Variants in GRB2 observed in about 807,000 individuals in gnomAD.
The protein encoded by GRB2 is growth factor receptor bound protein 2.
Under a neutral mutation model 27.4 loss-of-function variants are expected in GRB2, and 2 were observed. The observed-to-expected ratio is 0.07, with a 90% CI of 0.03 to 0.23. The LOEUF is 0.23. GRB2 is among the 10% of genes least tolerant of loss of function. The probability of loss-of-function intolerance (pLI) is 1.00; values close to 1 mark genes in which losing one functional copy is unlikely to be tolerated. For synonymous variants in GRB2, 94 were observed against 99.6 expected (o/e 0.94, Z 0.33); for missense variants, 102 against 282.4 (o/e 0.36, Z 4.58).
At position 75,320,961 on chromosome 17, in the gene GRB2, G is replaced by A. The variant is rs1422642805; in HGVS notation, c.469-408C>T. Among the ~76,000 whole-genome samples, 1 of 152,000 alleles carries A rather than the reference G, an allele frequency of 6.6e-6. No individual in the cohort carries two copies. The highest frequency in any genetic ancestry group is 1.5e-5 in the Non-Finnish European group (1 of 68,030). On this transcript the variant is annotated intron_variant, in intron 5 of 5. Transcript: ENST00000316804. The surrounding 1 kb of genome is among the most constrained non-coding windows in gnomAD (Gnocchi z 4.3). ...AGTTCTGGAGCTCGAATAACATAAG[G>A]GGCTCTAACCGTAACTTACGACCAG...
intron 5 of GRB2, among the ~76,000 whole-genome samples, chr17:75,321,169 CTTTTTTTTTTTTT>C (rs61287852): frequency 4.2e-5 from 5 of 120,060 alleles, no homozygotes; most frequent in African/African-American, 7.5e-5. Context: ...AACAACAAAT[CTTTTTTTTTTTTT>C]TTTTTTTTTT....
In GRB2 at chr17:75,319,166, CAGG is replaced by C. The variant is rs1167889352; in HGVS notation, c.*1199_*1201del. 7.5e-6 allele frequency: 1 copy of C among 133,416 alleles called. No homozygotes were observed. The highest frequency in any genetic ancestry group is 2.3e-4 in the East Asian group (1 of 4,376). The allele number at this position is 133,416 out of a possible 1,614,324, so 8.3% of individuals were successfully genotyped here. A position where few individuals can be genotyped will look rare whatever the true frequency, so the allele number is the denominator to read the frequency against. ...TTAAAGCCTCCTGGCTTAGTACAAG[CAGG>C]AGAACGCCTCACCTTCCACTCCTGC... On this transcript the variant is annotated 3_prime_UTR_variant, in exon 6 of 6. Coordinates refer to ENST00000316804, the MANE Select transcript of GRB2 (RefSeq NM_002086.5).
chr17:75,394,505 T>C (rs1567877023), intron 1 of GRB2, among the ~76,000 whole-genome samples: 1 of 152,198 alleles, frequency 6.6e-6, no homozygotes, highest in East Asian at 1.9e-4. Context: ...TGCATAAGGC[T>C]CCCTTTCCCC....
chr17:75,352,874 G>T (rs9896050), intron 2 of GRB2, among the ~76,000 whole-genome samples: 95,779 of 147,446 alleles, frequency 0.65, 36,746 homozygotes, highest in East Asian at 0.9. Flanking sequence ...AAGTTAACTT[G>T]TTTTTTTTTT....
chr17:75,369,015 T>C (rs376707703), intron 2 of GRB2, among the ~76,000 whole-genome samples: 194 of 152,296 alleles, frequency 1.3e-3, no homozygotes, highest in Admixed American at 1.9e-3. Context: ...AGTGAGGAAA[T>C]TGTGACACAA....
rs756413472 is a variant in GRB2, at chr17:75,321,817, C to G, written c.310G>C (p.Asp104His). ...DFSLSVKFGN[D>H]VQHFKVLRDG... ...CGGAGCACCTTGAAGTGCTGCACATCGTTTCCAAACCTGGGAGGGACAGAA... is the reference window on the plus strand; with the variant it reads ...CGGAGCACCTTGAAGTGCTGCACATGGTTTCCAAACCTGGGAGGGACAGAA... The change falls in exon 5 of 6, where the codon GAT becomes CAT. Residue 104 changes from aspartate (D) to histidine (H), a missense_variant. This residue lies in a region of GRB2 where 57 missense variants were observed against 152.9 expected (regional missense o/e 0.37). Transcript: ENST00000316804. The G allele has an allele frequency of 6.2e-7, 1 of 1,613,724 alleles. No individual in the cohort carries two copies. The highest frequency in any genetic ancestry group is 8.5e-7 in the Non-Finnish European group (1 of 1,180,014).
At chr17:75,323,933 C>T (rs897903630) in intron 4 of GRB2, among the ~76,000 whole-genome samples, 3 of 151,940 alleles carry the variant, frequency 2.0e-5, no homozygotes, top group Admixed American at 6.6e-5. Flanking sequence ...CTTCAGCCTC[C>T]GGAGTAGCTG....
chr17:75,330,379 T>TCAAA lies in GRB2; in HGVS notation c.176+2317_176+2320dup, dbSNP rs370595543. Among the ~76,000 whole-genome samples, 341 of 149,966 alleles carry TCAAA rather than the reference T, an allele frequency of 2.3e-3. 1 individual carries two copies. Among genetic ancestry groups the TCAAA allele is most frequent in the East Asian group, 0.014 (70 of 5,014 alleles). ...CCTGGCGACAGAGCGAGACTCCATC[T>TCAAA]CAAACAAACAAACAAACAAACAAAC... On this transcript the variant is annotated intron_variant, in intron 3 of 5. Transcript: ENST00000316804.
chr17:75,374,956 C>G (rs1338619144), intron 2 of GRB2, among the ~76,000 whole-genome samples: 1 of 152,108 alleles, frequency 6.6e-6, no homozygotes, highest in Non-Finnish European at 1.5e-5. Context: ...AGTACAGTAG[C>G]GAGATCATGG....
At chr17:75,402,074 G>A (rs955944601) in intron 1 of GRB2, among the ~76,000 whole-genome samples, 1 of 152,180 alleles carries the variant, frequency 6.6e-6, no homozygotes, top group Non-Finnish European at 1.5e-5. Flanking sequence ...GCTTAGCCTA[G>A]CCTACCTTAC....
intron 2 of GRB2, among the ~76,000 whole-genome samples, chr17:75,389,112 C>T (rs990621856): frequency 9.2e-5 from 14 of 152,156 alleles, no homozygotes; most frequent in Admixed American, 5.9e-4. Flanking sequence ...CTCTTCATCG[C>T]TAAAAACCTT....
intron 3 of GRB2, among the ~76,000 whole-genome samples, chr17:75,329,420 T>C (rs889000635): frequency 3.2e-4 from 49 of 152,200 alleles, no homozygotes; most frequent in African/African-American, 4.8e-4. Context: ...TGGTGTCACA[T>C]AGACATGGCT....
chr17:75,344,863 G>A (rs1166906799), intron 2 of GRB2, among the ~76,000 whole-genome samples: 2 of 107,694 alleles, frequency 1.9e-5, no homozygotes, highest in Non-Finnish European at 3.8e-5. Context: ...CAACCCCCCC[G>A]CCTGGGGGAG....
chr17:75,393,946 AGGCGACTGACAGGCCTGCCGGCCAAT>A (rs2079015319), intron 1 of GRB2, 181 bp from the exon 2 acceptor site: 3 of 407,044 alleles, frequency 7.4e-6, no homozygotes, highest in Non-Finnish European at 8.6e-6. Flanking sequence ...CTCGGCCCCC[AGGCGACTGACAGGCCTGCCGGCCAAT>A]GGCACAGCTG....
chr17:75,382,558 G>A lies in GRB2; in HGVS notation c.78+10993C>T, dbSNP rs1343725318. Among the ~76,000 whole-genome samples the A allele has an allele frequency of 3.3e-5, 5 of 152,206 alleles. No individual in the cohort carries two copies. In the East Asian group the frequency reaches 9.7e-4, roughly 29 times the overall value. On this transcript the variant is annotated intron_variant, in intron 2 of 5. Transcript: ENST00000316804. Reference sequence around the variant, plus strand: ...AAAAAGTTTCAGATTTCAGATCTTTGGATTAGGGATACTCAATATGTAGTT... The same window carrying A: ...AAAAAGTTTCAGATTTCAGATCTTTAGATTAGGGATACTCAATATGTAGTT...
chr17:75,398,535 A>G (rs2079043228), intron 1 of GRB2, among the ~76,000 whole-genome samples: 1 of 152,128 alleles, frequency 6.6e-6, no homozygotes, highest in South Asian at 2.1e-4. Flanking sequence ...TGCTGGGATT[A>G]CAGGTATGAG....
Position 75,326,253 on chromosome 17 carries a change from T to C in GRB2, c.177-233A>G, listed in dbSNP as rs1358208234. 19 of 537,398 alleles carry C rather than the reference T, an allele frequency of 3.5e-5. No homozygotes were observed. In the South Asian group the frequency reaches 3.8e-4, roughly 11 times the overall value. 33.3% of individuals were successfully genotyped at this position (537,398 alleles called of 1,614,324 possible). On this transcript the variant is annotated intron_variant, in intron 3 of 5. Coordinates refer to ENST00000316804, the MANE Select transcript of GRB2 (RefSeq NM_002086.5). ...AAGCGACTCACCAAGGCACTAACCG[T>C]GGGTCACTCTTTCTATAGAGGGAGA...
chr17:75,320,980 C>T lies in GRB2; in HGVS notation c.469-427G>A, dbSNP rs915537207. The stretch of plus-strand genomic sequence containing the variant: ...CATAAGGGGCTCTAACCGTAACTTA[C>T]GACCAGGGCTCGAGGGACAGGAACG... On this transcript the variant is annotated intron_variant, in intron 5 of 5. Transcript: ENST00000316804. This position sits in a 1 kb window ranked among gnomAD's most constrained non-coding sequence, Gnocchi z 4.3. Among the ~76,000 whole-genome samples the T allele has an allele frequency of 5.3e-5, 8 of 152,060 alleles. No homozygotes were observed. The highest frequency in any genetic ancestry group is 8.8e-5 in the Non-Finnish European group (6 of 68,016).
chr17:75,371,457 A>AT (rs1432102961), intron 2 of GRB2: 1 of 152,210 alleles, frequency 6.6e-6, no homozygotes, highest in African/African-American at 2.4e-5. Context: ...TAGGATGAAC[A>AT]TGGTGTGAAT....
Sources: gnomAD v4.1 joint callset for allele counts (sites outside exome capture counted in the v4.1 genomes callset) on GRCh38, gnomAD v4.1.1 for gene constraint, gnomAD v4.1.1 regional missense constraint, Gnocchi (gnomAD v3.1) non-coding constraint, MANE v1.5 for transcripts, NCBI Gene and HGNC (gene_info 2026-07-23, HGNC 2026-07-21) for gene names.